MED12L: variants seen among roughly 807,000 people sequenced by gnomAD.
MED12L encodes mediator of RNA polymerase II transcription subunit 12-like protein.
A neutral mutation model predicts 281.3 loss-of-function variants in MED12L; 60 were observed. The observed-to-expected ratio is 0.21, with a 90% CI of 0.17 to 0.26. MED12L has a LOEUF of 0.26. Among genes scored for constraint, MED12L ranks in the 10% least tolerant of loss-of-function variants. The pLI is 1.00. For synonymous variants in MED12L, 974 were observed against 987.2 expected, an observed-to-expected ratio of 0.99 and a Z score of 0.25; for missense variants, 2,146 against 2,680.9, an observed-to-expected ratio of 0.80 and a Z score of 4.41.
intron 43 of MED12L, among the ~76,000 whole-genome samples, chr3:151,423,466 A>G (rs937118): frequency 0.028 from 4,249 of 152,244 alleles, 188 homozygotes; most frequent in African/African-American, 0.096. Context: ...AGAAAAGCCT[A>G]TGTTTACAAA....
At chr3:151,150,900 C>T (rs748299495) in intron 5 of MED12L, among the ~76,000 whole-genome samples, 1 of 152,184 alleles carries the variant, frequency 6.6e-6, no homozygotes, top group Non-Finnish European at 1.5e-5. Flanking sequence ...TGAGGCCTTG[C>T]CCTGGATTAG....
chr3:151,392,275 C>T (rs1714337538), intron 38 of MED12L, among the ~76,000 whole-genome samples: 1 of 151,678 alleles, frequency 6.6e-6, no homozygotes, highest in Admixed American at 6.6e-5. Context: ...ACCAGCCTGG[C>T]CAATATGGTG....
At chr3:151,332,252 A>G (rs1240131534) in intron 16 of MED12L, among the ~76,000 whole-genome samples, 1 of 152,234 alleles carries the variant, frequency 6.6e-6, no homozygotes, top group African/African-American at 2.4e-5. Flanking sequence ...CCAGTACCAT[A>G]TAAATAATAT....
chr3:151,403,946 A>G (rs1715997932), intron 39 of MED12L, among the ~76,000 whole-genome samples: 1 of 152,244 alleles, frequency 6.6e-6, no homozygotes, highest in Non-Finnish European at 1.5e-5. Flanking sequence ...TTCAGGGGGC[A>G]GGTGAGGATT....
At chr3:151,425,663 T>C (rs1718797545) in intron 43 of MED12L, 1 of 456,570 alleles carries the variant, frequency 2.2e-6, no homozygotes, top group African/African-American at 2.0e-5. Flanking sequence ...CTGACAGTAG[T>C]AAGCTGGGTA....
intron 27 of MED12L, among the ~76,000 whole-genome samples, chr3:151,373,864 A>G (rs1756493105): frequency 6.6e-6 from 1 of 152,184 alleles, no homozygotes; most frequent in Admixed American, 6.6e-5. Context: ...TCTATTTAGC[A>G]GAGAACGTTA....
At chr3:151,144,423 A>G (rs553144245) in intron 5 of MED12L, among the ~76,000 whole-genome samples, 34 of 152,142 alleles carry the variant, frequency 2.2e-4, no homozygotes, top group Non-Finnish European at 3.8e-4. Context: ...AGGAAGAAAG[A>G]TGCAGTCGGG....
chr3:151,259,438 T>C (rs573176647), intron 16 of MED12L, among the ~76,000 whole-genome samples: 2 of 152,302 alleles, frequency 1.3e-5, no homozygotes, highest in East Asian at 3.9e-4. Context: ...AACTTATTAG[T>C]CAACCTGGAC....
rs763212125 is a variant in MED12L, at chr3:151,162,095, A to AAT, written c.1108-1787_1108-1786dup. The stretch of plus-strand genomic sequence containing the variant: ...GATGGCAGCTGAGTGGAGAGTTAAA[A>AAT]ATATATATATATTTTGATGGGCAGA... On this transcript the variant is annotated intron_variant, in intron 8 of 44. Coordinates refer to ENST00000687756, the MANE Select transcript of MED12L (RefSeq NM_001393769.1). Among the ~76,000 whole-genome samples, 90 of 152,252 alleles carry AAT rather than the reference A, an allele frequency of 5.9e-4. 1 individual carries two copies. In the Middle Eastern group the frequency reaches 0.01, roughly 17 times the overall value.
intron 21 of MED12L, among the ~76,000 whole-genome samples, chr3:151,363,997 A>G (rs1754963212): frequency 6.6e-6 from 1 of 152,118 alleles, no homozygotes; most frequent in Non-Finnish European, 1.5e-5. Context: ...ATATAACAAT[A>G]TGGGGTTTAA....
intron 11 of MED12L, among the ~76,000 whole-genome samples, chr3:151,166,817 A>C (rs1720788492): frequency 6.6e-6 from 1 of 151,996 alleles, no homozygotes. Flanking sequence ...CTGGGATTAC[A>C]GGCACCCACC....
chr3:151,288,234 C>T lies in MED12L; in HGVS notation c.2251-61825C>T, dbSNP rs148538331. ...TGCAAAGTATGAGGCACAATTCTTA[C>T]ACAGTGAAGAATTGTCCCATGCTGC... is the stretch of plus-strand genomic sequence containing the variant. On this transcript the variant is annotated intron_variant, in intron 16 of 44. Coordinates refer to ENST00000687756, the MANE Select transcript of MED12L (RefSeq NM_001393769.1). Among the ~76,000 whole-genome samples, 68 of 152,320 alleles carry T rather than the reference C, an allele frequency of 4.5e-4. 1 individual carries two copies. The highest frequency in any genetic ancestry group is 4.7e-4 in the Non-Finnish European group (32 of 68,024).
chr3:151,294,107 A>G (rs953694984), intron 16 of MED12L: 14 of 1,009,638 alleles, frequency 1.4e-5, no homozygotes, highest in Middle Eastern at 2.6e-4. Flanking sequence ...TCAAGCAAGG[A>G]TAATGAAAAG....
chr3:151,423,513 T>G (rs556570214), intron 43 of MED12L, among the ~76,000 whole-genome samples: 1 of 152,294 alleles, frequency 6.6e-6, no homozygotes, highest in East Asian at 1.9e-4. Context: ...ATGCCTGTGT[T>G]GCCATCTACT....
At chr3:151,232,839 C>T (rs761279399) in intron 16 of MED12L, among the ~76,000 whole-genome samples, 1 of 152,122 alleles carries the variant, frequency 6.6e-6, no homozygotes, top group Non-Finnish European at 1.5e-5. Context: ...GGGTACTAGA[C>T]TTAGTACCTG....
At chr3:151,240,237 CACG>C (rs1363866789) in intron 16 of MED12L, among the ~76,000 whole-genome samples, 9 of 152,152 alleles carry the variant, frequency 5.9e-5, no homozygotes, top group Non-Finnish European at 1.3e-4. Flanking sequence ...TGTGTACTGA[CACG>C]ACGCCCAGTT....
chr3:151,229,947 A>G (rs1339121044), intron 16 of MED12L, among the ~76,000 whole-genome samples: 1 of 152,008 alleles, frequency 6.6e-6, no homozygotes, highest in African/African-American at 2.4e-5. Context: ...TCCTAGGCTC[A>G]CATGTTGGGA....
intron 11 of MED12L, among the ~76,000 whole-genome samples, chr3:151,172,338 A>G (rs987326545): frequency 1.4e-4 from 21 of 152,248 alleles, no homozygotes; most frequent in African/African-American, 4.8e-4. Flanking sequence ...AGTTCCCAGC[A>G]TGTAAATGGG....
At chr3:151,126,048 C>CTTTT (rs34482366) in intron 4 of MED12L, among the ~76,000 whole-genome samples, 2 of 130,776 alleles carry the variant, frequency 1.5e-5, no homozygotes, top group African/African-American at 3.0e-5. Flanking sequence ...ACTGCATCCT[C>CTTTT]TTTTTTTTTT....
Sources: allele counts gnomAD v4.1 joint callset (sites outside exome capture counted in the v4.1 genomes callset), GRCh38; gene constraint gnomAD v4.1.1; transcripts MANE v1.5; gene names NCBI Gene and HGNC (gene_info 2026-07-23, HGNC 2026-07-21).